GID4: variants seen among roughly 807,000 people sequenced by gnomAD.
GID4 encodes GID complex subunit 4 homolog.
GID4 carries 7 observed loss-of-function variants against 32.4 expected under a neutral mutation model. That is an observed-to-expected ratio of 0.22 (90% CI 0.12 to 0.41). The LOEUF (loss-of-function observed/expected upper bound fraction) is 0.41. Ranked by LOEUF, GID4 falls within the 10% of genes least tolerant of loss-of-function variation. The pLI is 1.00. For missense variants in GID4, 309 were observed against 400.0 expected, an observed-to-expected ratio of 0.77 and a Z score of 1.94; for synonymous variants, 166 against 170.0, an observed-to-expected ratio of 0.98 and a Z score of 0.18.
chr17:18,058,152 C>A (rs2044987832), intron 3 of GID4, among the ~76,000 whole-genome samples: 1 of 152,162 alleles, frequency 6.6e-6, no homozygotes, highest in African/African-American at 2.4e-5. Context: ...ATTTTTTGTT[C>A]TTGATATTTT....
intron 1 of GID4, among the ~76,000 whole-genome samples, chr17:18,043,309 T>C (rs2955358): frequency 0.56 from 84,898 of 152,116 alleles, 25,190 homozygotes; most frequent in Non-Finnish European, 0.68. Context: ...TTCTGATTCT[T>C]GAGCATGTGA....
intron 1 of GID4, among the ~76,000 whole-genome samples, chr17:18,044,155 C>T (rs2044829534): frequency 6.6e-6 from 1 of 152,198 alleles, no homozygotes; most frequent in Non-Finnish European, 1.5e-5. Context: ...AAAGCCATTT[C>T]TTCCTCATGC....
At chr17:18,042,286 A>C (rs946129220) in intron 1 of GID4, among the ~76,000 whole-genome samples, 3 of 152,174 alleles carry the variant, frequency 2.0e-5, no homozygotes, top group Non-Finnish European at 4.4e-5. Flanking sequence ...CATCACCCCA[A>C]AAGGAAACCT....
intron 2 of GID4, among the ~76,000 whole-genome samples, chr17:18,046,192 G>A (rs529083100): frequency 5.3e-5 from 8 of 152,342 alleles, no homozygotes; most frequent in Admixed American, 2.6e-4. Context: ...TTTGGACAGA[G>A]TGCTGTGCTG....
intron 3 of GID4, among the ~76,000 whole-genome samples, chr17:18,055,214 T>G (rs2044954620): frequency 6.6e-6 from 1 of 152,134 alleles, no homozygotes. Flanking sequence ...TAATAGCCTT[T>G]TGCTTTAGTT....
intron 5 of GID4, among the ~76,000 whole-genome samples, chr17:18,063,806 G>A (rs1043584953): frequency 5.3e-5 from 8 of 152,148 alleles, no homozygotes; most frequent in Middle Eastern, 3.4e-3. Context: ...TCAGTGGCAC[G>A]ATCTCGGCTC....
In GID4 at chr17:18,061,841, G is replaced by A; in HGVS notation, c.709-4G>A. 1 of 1,613,982 alleles carries A rather than the reference G, an allele frequency of 6.2e-7. No individual in the cohort carries two copies. The highest frequency in any genetic ancestry group is 8.5e-7 in the Non-Finnish European group (1 of 1,179,938). ...TGTTACTGACCCTCTTCATCTGTGT[G>A]CAGGAACAGTTTCTGGTCCCAGATC... On this transcript the variant is annotated splice_polypyrimidine_tract_variant and splice_region_variant and intron_variant, in intron 4 of 5. Coordinates refer to ENST00000268719, the MANE Select transcript of GID4 (RefSeq NM_024052.5). This position sits in a 1 kb window ranked among gnomAD's most constrained non-coding sequence, Gnocchi z 4.4.
rs1050337866 is a variant in GID4, at chr17:18,066,024, GT to G, written c.*788del. The G allele has an allele frequency of 6.6e-6, 1 of 152,170 alleles. No individual in the cohort carries two copies. The highest frequency in any genetic ancestry group is 2.4e-5 in the African/African-American group (1 of 41,418). The allele number at this position is 152,170 out of a possible 1,614,324, so 9.4% of individuals were successfully genotyped here. A position where few individuals can be genotyped will look rare whatever the true frequency, so the allele number is the denominator to read the frequency against. ...GGCAATACTAAACTTAAAAATAAGAGTTTTTTTATTACAAAATTATTTTTAT... is the reference window on the plus strand; with the variant it reads ...GGCAATACTAAACTTAAAAATAAGAGTTTTTTATTACAAAATTATTTTTAT... On this transcript the variant is annotated 3_prime_UTR_variant, in exon 6 of 6. Coordinates refer to ENST00000268719, the MANE Select transcript of GID4 (RefSeq NM_024052.5).
At chr17:18,058,649 C>A (rs1014236528) in intron 3 of GID4, among the ~76,000 whole-genome samples, 4 of 152,146 alleles carry the variant, frequency 2.6e-5, no homozygotes, top group African/African-American at 9.7e-5. Context: ...GGCAGTGGGG[C>A]CCCAGCTGGA....
At position 18,065,299 on chromosome 17, in the gene GID4, C is replaced by A; in HGVS notation, c.*56C>A. 7.2e-7 allele frequency: 1 copy of A among 1,382,378 alleles called. No individual in the cohort carries two copies. The highest frequency in any genetic ancestry group is 1.2e-5 in the South Asian group (1 of 85,690). The allele number at this position is 1,382,378 out of a possible 1,614,324, so 85.6% of individuals were successfully genotyped here. ...TGAACTTGGCAAAAAAGAACTTTGC[C>A]GAGAAAATTGTGTACCTGCCAGAAC... is the stretch of plus-strand genomic sequence containing the variant. On this transcript the variant is annotated 3_prime_UTR_variant, in exon 6 of 6. Coordinates refer to ENST00000268719, the MANE Select transcript of GID4 (RefSeq NM_024052.5).
chr17:18,047,904 CTT>C (rs1225784333), intron 2 of GID4, among the ~76,000 whole-genome samples: 2 of 145,796 alleles, frequency 1.4e-5, no homozygotes. Flanking sequence ...TATGTGATAA[CTT>C]TTTTTTTTTT....
rs2045065121 is a variant in GID4 at position 18,066,506 on chromosome 17, A to G, written c.*1263A>G. On this transcript the variant is annotated 3_prime_UTR_variant, in exon 6 of 6. Coordinates refer to ENST00000268719, the MANE Select transcript of GID4 (RefSeq NM_024052.5). ...TGTGTATGATGTTTTGTTTTTTTAA[A>G]TGTTTTAAAAGCTTAATAGGTTGGC... 6.6e-6 allele frequency: 1 copy of G among 151,554 alleles called. No individual in the cohort carries two copies. The highest frequency in any genetic ancestry group is 2.1e-4 in the South Asian group (1 of 4,774). The allele number at this position is 151,554 out of a possible 1,614,324, so 9.4% of individuals were successfully genotyped here.
At chr17:18,040,567 C>T (rs766197709) in intron 1 of GID4, among the ~76,000 whole-genome samples, 1 of 152,170 alleles carries the variant, frequency 6.6e-6, no homozygotes, top group Admixed American at 6.5e-5. Flanking sequence ...CCTGGGTCCC[C>T]TGTTCCACTC....
intron 5 of GID4, among the ~76,000 whole-genome samples, chr17:18,064,832 A>C (rs1186923719): frequency 6.6e-6 from 1 of 152,212 alleles, no homozygotes; most frequent in Non-Finnish European, 1.5e-5. Flanking sequence ...TACATGCTAC[A>C]GCAGGAGAGG....
rs1006596491 is a variant in GID4 at position 18,066,173 on chromosome 17, G to A, written c.*930G>A. On this transcript the variant is annotated 3_prime_UTR_variant, in exon 6 of 6. Transcript: ENST00000268719. ...TTTATATCGATATCTATATGTATAT[G>A]TATATTTAATCAACCAGCAGTTTTG... 5.9e-5 allele frequency: 9 copies of A among 152,620 alleles called. No individual in the cohort carries two copies. The East Asian group carries it at 1.7e-3, about 29-fold the overall frequency. The allele number at this position is 152,620 out of a possible 1,614,324, so 9.5% of individuals were successfully genotyped here. A position where few individuals can be genotyped will look rare whatever the true frequency, so the allele number is the denominator to read the frequency against.
At chr17:18,059,874 A>G (rs985230927) in intron 4 of GID4, among the ~76,000 whole-genome samples, 1 of 151,902 alleles carries the variant, frequency 6.6e-6, no homozygotes, top group Non-Finnish European at 1.5e-5. Flanking sequence ...TCATGAGGTC[A>G]AGAGATTGAG....
At chr17:18,052,494 A>G (rs1259141375) in intron 2 of GID4, among the ~76,000 whole-genome samples, 2 of 152,172 alleles carry the variant, frequency 1.3e-5, no homozygotes, top group African/African-American at 2.4e-5. Flanking sequence ...GATCTGAAGG[A>G]AAAACGTGGG....
intron 3 of GID4, among the ~76,000 whole-genome samples, chr17:18,054,743 C>A (rs1390289018): frequency 3.9e-5 from 6 of 152,298 alleles, no homozygotes; most frequent in Non-Finnish European, 8.8e-5. Context: ...CTTAAGTACA[C>A]CACTATAAAT....
At chr17:18,057,304 C>G in intron 3 of GID4, 1 of 337,272 alleles carries the variant, frequency 3.0e-6, no homozygotes, top group Non-Finnish European at 5.6e-6. Flanking sequence ...TGGTGGCACA[C>G]ACCTGTAATC....
Sources: allele counts gnomAD v4.1 joint callset (sites outside exome capture counted in the v4.1 genomes callset), GRCh38; gene constraint gnomAD v4.1.1; non-coding constraint Gnocchi (gnomAD v3.1); transcripts MANE v1.5; gene names NCBI Gene and HGNC (gene_info 2026-07-23, HGNC 2026-07-21).